The following PARD3 variants were observed in gnomAD, a reference collection of about 807,000 sequenced individuals.
PARD3 encodes the protein partitioning defective 3 homolog.
Under a neutral mutation model 155.4 loss-of-function variants are expected in PARD3, and 75 were observed. The observed-to-expected ratio is 0.48, with a 90% CI of 0.40 to 0.58. The LOEUF is 0.58. PARD3 is among the 20% of genes least tolerant of loss of function. The probability of loss-of-function intolerance (pLI) is 0.00; values close to 1 mark genes in which losing one functional copy is unlikely to be tolerated. For synonymous variants in PARD3, 576 were observed against 610.5 expected (o/e 0.94, Z 0.83); for missense variants, 1,642 against 1,721.7 (o/e 0.95, Z 0.82).
At chr10:34,383,390 T>TACACACAC (rs3040371) in intron 8 of PARD3, among the ~76,000 whole-genome samples, 8,454 of 150,168 alleles carry the variant, frequency 0.056, 451 homozygotes, top group African/African-American at 0.15. Flanking sequence ...ATTTTTAAAA[T>TACACACAC]ACACACACAC....
chr10:34,368,306 G>T (rs17472914), intron 12 of PARD3, among the ~76,000 whole-genome samples: 1 of 152,170 alleles, frequency 6.6e-6, no homozygotes, highest in African/African-American at 2.4e-5. Flanking sequence ...CACTAGTTCC[G>T]GTTAGGGTAA....
intron 2 of PARD3, among the ~76,000 whole-genome samples, chr10:34,676,285 C>T (rs958753341): frequency 2.0e-5 from 3 of 152,162 alleles, no homozygotes; most frequent in African/African-American, 7.2e-5. Flanking sequence ...ATTTATATGG[C>T]TGCTTAAATG....
chr10:34,128,039 A>G (rs1947380520), intron 23 of PARD3, among the ~76,000 whole-genome samples: 1 of 152,216 alleles, frequency 6.6e-6, no homozygotes, highest in Non-Finnish European at 1.5e-5. Context: ...TTGTTGCAGA[A>G]GACAATTAGA....
chr10:34,254,537 C>CGTGTGTGTGT (rs55901749), intron 22 of PARD3, among the ~76,000 whole-genome samples: 39 of 145,606 alleles, frequency 2.7e-4, no homozygotes, highest in African/African-American at 8.1e-4. Flanking sequence ...GGTAGGTAAA[C>CGTGTGTGTGT]GTGTGTGTGT....
intron 3 of PARD3, chr10:34,488,500 C>G (rs1330196641): frequency 6.6e-6 from 1 of 151,714 alleles, no homozygotes; most frequent in Non-Finnish European, 1.5e-5. Flanking sequence ...GTACTAAAAC[C>G]CTTTTTTTTT....
Position 34,133,339 on chromosome 10 carries a change from C to T in PARD3, c.3420-1756G>A, listed in dbSNP as rs1365651540. ...CCCTCCCCTAAGGGGTTTGGGCACA[C>T]ACAGCAGTCAAATAGACAAGCCACA... On this transcript the variant is annotated intron_variant, in intron 22 of 24. Transcript: ENST00000374788. Among the ~76,000 whole-genome samples, 19 of 152,168 alleles carry T rather than the reference C, an allele frequency of 1.2e-4. 1 individual carries two copies. The highest frequency in any genetic ancestry group is 1.2e-3 in the Admixed American group (19 of 15,278).
chr10:34,782,555 T>A (rs939128072), intron 1 of PARD3, among the ~76,000 whole-genome samples: 6 of 152,184 alleles, frequency 3.9e-5, no homozygotes, highest in Non-Finnish European at 7.4e-5. Flanking sequence ...TCCACTCCAC[T>A]TTTGGCTGAT....
intron 2 of PARD3, among the ~76,000 whole-genome samples, chr10:34,525,416 C>T (rs1315568824): frequency 6.6e-6 from 1 of 152,186 alleles, no homozygotes; most frequent in Non-Finnish European, 1.5e-5. Context: ...TACACAGTAC[C>T]AGGAAACTTG....
At chr10:34,426,723 A>G (rs985580847) in intron 5 of PARD3, 2 of 152,150 alleles carry the variant, frequency 1.3e-5, no homozygotes, top group Non-Finnish European at 2.9e-5. Flanking sequence ...AATAAGTTAC[A>G]GTTAAAAGAT....
chr10:34,265,919 GGGCAAGACTGTGGGGGTC>G (rs1461321320), intron 22 of PARD3, among the ~76,000 whole-genome samples: 1 of 152,174 alleles, frequency 6.6e-6, no homozygotes, highest in African/African-American at 2.4e-5. Flanking sequence ...GAAAAGGGAT[GGGCAAGACTGTGGGGGTC>G]GGCAAACAAA....
At chr10:34,392,680 G>C (rs1295639829) in intron 7 of PARD3, among the ~76,000 whole-genome samples, 1 of 151,996 alleles carries the variant, frequency 6.6e-6, no homozygotes, top group Non-Finnish European at 1.5e-5. Context: ...ATGGTAAATG[G>C]GCTTATATGG....
At chr10:34,434,652 T>C (rs1316161959) in intron 5 of PARD3, among the ~76,000 whole-genome samples, 1 of 152,130 alleles carries the variant, frequency 6.6e-6, no homozygotes, top group African/African-American at 2.4e-5. Flanking sequence ...TGTTGTGTAG[T>C]GACCCAGGTG....
At chr10:34,229,809 A>AAAACAAGC (rs760640497) in intron 22 of PARD3, among the ~76,000 whole-genome samples, 1 of 152,058 alleles carries the variant, frequency 6.6e-6, no homozygotes, top group Non-Finnish European at 1.5e-5. Flanking sequence ...AAGCAAACAA[A>AAAACAAGC]TAACCAAAGG....
At chr10:34,326,305 A>C (rs1468699307) in intron 19 of PARD3, among the ~76,000 whole-genome samples, 1 of 152,208 alleles carries the variant, frequency 6.6e-6, no homozygotes, top group Non-Finnish European at 1.5e-5. Context: ...CCTAAAAATT[A>C]ATCGAAGCTC....
Position 34,382,683 on chromosome 10 carries a change from G to C in PARD3, c.1256C>G (p.Ser419Ter). 1 of 1,614,170 alleles carries C rather than the reference G, an allele frequency of 6.2e-7. No homozygotes were observed. Among genetic ancestry groups the C allele is most frequent in the Admixed American group, 1.7e-5 (1 of 60,024 alleles). ...NHPPEQIDSH[S>*]RLPHSAHPSG... ...GGGGTGTGCGCTATGAGGTAGTCTT[G>C]AGTGAGAGTCTATCTGCTCAGGCGG... The change falls in exon 9 of 25, where the codon TCA becomes TGA. Residue 419 changes from serine (S) to a stop codon, truncating the protein, a stop_gained. Coordinates refer to ENST00000374788, the MANE Select transcript of PARD3 (RefSeq NM_001184785.2). LOFTEE classifies it high-confidence loss of function.
intron 2 of PARD3, among the ~76,000 whole-genome samples, chr10:34,622,283 T>G (rs140107303): frequency 6.6e-6 from 1 of 152,362 alleles, no homozygotes; most frequent in East Asian, 1.9e-4. Context: ...TTATACATTT[T>G]GCATGTATTT....
chr10:34,772,876 T>C (rs1448703757), intron 1 of PARD3, among the ~76,000 whole-genome samples: 2 of 148,568 alleles, frequency 1.3e-5, no homozygotes, highest in African/African-American at 5.0e-5. Context: ...CTGTAATAAA[T>C]ACCTTTGCAA....
At chr10:34,710,789 T>G (rs540384919) in intron 1 of PARD3, among the ~76,000 whole-genome samples, 2 of 152,166 alleles carry the variant, frequency 1.3e-5, no homozygotes. Flanking sequence ...GACCCTTATG[T>G]TTTTGTTTAT....
intron 22 of PARD3, among the ~76,000 whole-genome samples, chr10:34,217,261 G>C (rs939957056): frequency 1.3e-5 from 2 of 152,126 alleles, no homozygotes. Flanking sequence ...TCCAGGAAGG[G>C]AGAACTAGAT....
Sources: allele counts gnomAD v4.1 joint callset (sites outside exome capture counted in the v4.1 genomes callset), GRCh38; gene constraint gnomAD v4.1.1; transcripts MANE v1.5; gene names NCBI Gene and HGNC (gene_info 2026-07-23, HGNC 2026-07-21).